Variants in FAM120A observed in about 807,000 individuals in gnomAD.
The protein encoded by FAM120A is constitutive coactivator of PPAR-gamma-like protein 1.
In FAM120A, 15 loss-of-function variants were observed where a neutral mutation model predicts 109.7. The ratio of observed to expected loss-of-function variants is 0.14; its 90% CI spans 0.09 to 0.21. The LOEUF is 0.21. FAM120A is among the 10% of genes least tolerant of loss of function. The pLI, the probability that FAM120A is intolerant of heterozygous loss-of-function variation, is 1.00. For synonymous variants in FAM120A, 493 were observed against 572.8 expected (o/e 0.86, Z 1.99); for missense variants, 899 against 1,439.3 (o/e 0.62, Z 6.07).
chr9:93,516,901 A>G (rs1326942500), intron 7 of FAM120A, among the ~76,000 whole-genome samples: 1 of 152,158 alleles, frequency 6.6e-6, no homozygotes, highest in Admixed American at 6.5e-5. Context: ...AAATTGTCTT[A>G]TGTTTAAAAC....
chr9:93,498,699 A>G lies in FAM120A; in HGVS notation c.934-91A>G. 4 of 803,056 alleles carry G rather than the reference A, an allele frequency of 5.0e-6. No homozygotes were observed. The South Asian group carries it at 5.7e-5, about 11-fold the overall frequency. The allele number at this position is 803,056 out of a possible 1,614,324, so 49.7% of individuals were successfully genotyped here. On this transcript the variant is annotated intron_variant, in intron 4 of 17. Coordinates refer to ENST00000277165, the MANE Select transcript of FAM120A (RefSeq NM_014612.5). The surrounding 1 kb of genome is among the most constrained non-coding windows in gnomAD (Gnocchi z 4.4). Reference sequence around the variant, plus strand: ...CTTCTCTAACTTGAAAAGCTGTAGAATATTATACATGTGCTGAATTATAAA... The same window carrying G: ...CTTCTCTAACTTGAAAAGCTGTAGAGTATTATACATGTGCTGAATTATAAA...
At chr9:93,510,711 C>G (rs1389181642) in intron 5 of FAM120A, among the ~76,000 whole-genome samples, 1 of 80,966 alleles carries the variant, frequency 1.2e-5, no homozygotes, top group Non-Finnish European at 3.5e-5. Context: ...TGCCTCAGCC[C>G]CCAGTGTCGG....
intron 1 of FAM120A, among the ~76,000 whole-genome samples, chr9:93,469,526 A>C (rs1055879277): frequency 6.6e-6 from 1 of 152,232 alleles, no homozygotes; most frequent in Non-Finnish European, 1.5e-5. Flanking sequence ...CTGTAAATGT[A>C]AAGTTGTACA....
At chr9:93,463,737 G>A (rs1421438729) in intron 1 of FAM120A, among the ~76,000 whole-genome samples, 2 of 152,220 alleles carry the variant, frequency 1.3e-5, no homozygotes, top group African/African-American at 2.4e-5. Flanking sequence ...GCTGGAGGAT[G>A]TGTCACATTG....
At chr9:93,469,031 C>T (rs1361938130) in intron 1 of FAM120A, among the ~76,000 whole-genome samples, 1 of 152,252 alleles carries the variant, frequency 6.6e-6, no homozygotes, top group Admixed American at 6.5e-5. Context: ...GGCTCATTTC[C>T]TGACCTTTCT....
chr9:93,480,268 G>GGGTCA (rs1449176804), intron 3 of FAM120A, among the ~76,000 whole-genome samples: 2 of 152,166 alleles, frequency 1.3e-5, no homozygotes, highest in Non-Finnish European at 2.9e-5. Flanking sequence ...ATGGGGTTAG[G>GGGTCA]GGTCAGATAG....
At chr9:93,543,519 G>A (rs1256707625) in intron 11 of FAM120A, 48 bp downstream of exon 11, 2 of 1,597,260 alleles carry the variant, frequency 1.3e-6, no homozygotes, top group East Asian at 2.2e-5. Context: ...GCCAGGTGTA[G>A]GGGCCATGAC....
intron 3 of FAM120A, among the ~76,000 whole-genome samples, chr9:93,488,403 G>A (rs1859163556): frequency 6.6e-6 from 1 of 151,924 alleles, no homozygotes; most frequent in African/African-American, 2.4e-5. Flanking sequence ...CCTCCTGCTT[G>A]GCTTTCCACA....
Position 93,451,838 on chromosome 9 carries a change from C to T in FAM120A, c.-78C>T, listed in dbSNP as rs1356101983. On this transcript the variant is annotated 5_prime_UTR_variant, in exon 1 of 18. Coordinates refer to ENST00000277165, the MANE Select transcript of FAM120A (RefSeq NM_014612.5). Reference sequence around the variant, plus strand: ...AGGCCGCCGCCCCCGCCCGCCAGCCCGCCCGCGCGCCACGGCCCCACCACC... The same window carrying T: ...AGGCCGCCGCCCCCGCCCGCCAGCCTGCCCGCGCGCCACGGCCCCACCACC... 1 of 966,664 alleles carries T rather than the reference C, an allele frequency of 1.0e-6. No homozygotes were observed. Among genetic ancestry groups the T allele is most frequent in the African/African-American group, 1.8e-5 (1 of 55,820 alleles). 59.9% of individuals were successfully genotyped at this position (966,664 alleles called of 1,614,324 possible).
chr9:93,482,184 A>ATT (rs386415495), intron 3 of FAM120A, among the ~76,000 whole-genome samples: 8 of 118,344 alleles, frequency 6.8e-5, no homozygotes, highest in Admixed American at 9.3e-5. Context: ...ATTCACCTCC[A>ATT]TTTTTTTTTT....
chr9:93,501,926 A>T (rs1859820105), intron 5 of FAM120A, among the ~76,000 whole-genome samples: 1 of 152,228 alleles, frequency 6.6e-6, no homozygotes, highest in African/African-American at 2.4e-5. Context: ...CAGTGAAACT[A>T]ACAGGGCGAA....
At chr9:93,522,701 G>A (rs1438551866) in intron 7 of FAM120A, among the ~76,000 whole-genome samples, 1 of 152,162 alleles carries the variant, frequency 6.6e-6, no homozygotes, top group Non-Finnish European at 1.5e-5. Flanking sequence ...GAGAACTTAT[G>A]TATGTATCTT....
At position 93,532,109 on chromosome 9, in the gene FAM120A, C is replaced by G. The variant is rs747130640; in HGVS notation, c.1735-46C>G. The G allele has an allele frequency of 6.4e-7, 1 of 1,560,854 alleles. No individual in the cohort carries two copies. Among genetic ancestry groups the G allele is most frequent in the African/African-American group, 1.4e-5 (1 of 73,604 alleles). On this transcript the variant is annotated intron_variant, in intron 9 of 17. Coordinates refer to ENST00000277165, the MANE Select transcript of FAM120A (RefSeq NM_014612.5). The surrounding 1 kb of genome is among the most constrained non-coding windows in gnomAD (Gnocchi z 4.3). The stretch of plus-strand genomic sequence containing the variant: ...TATTTCTGTGAGTGTATTGTAAATT[C>G]AACATGAAAAATGTGCAATGTTATT...
chr9:93,531,896 A>G lies in FAM120A; in HGVS notation c.1735-259A>G, dbSNP rs189008493. Reference sequence around the variant, plus strand: ...GTTTCAAAGACTTTGGAACATCTACATGGTTTTCTTTTGTTCTTGGTTTTG... The same window carrying G: ...GTTTCAAAGACTTTGGAACATCTACGTGGTTTTCTTTTGTTCTTGGTTTTG... On this transcript the variant is annotated intron_variant, in intron 9 of 17. Coordinates refer to ENST00000277165, the MANE Select transcript of FAM120A (RefSeq NM_014612.5). 2.3e-4 allele frequency among the ~76,000 whole-genome samples: 35 copies of G among 152,306 alleles called. 2 individuals carry two copies. In the East Asian group the frequency reaches 5.4e-3, roughly 23 times the overall value.
At position 93,451,685 on chromosome 9, in the gene FAM120A, C is replaced by G. The variant is rs1473030408; in HGVS notation, c.-231C>G. 20 of 984,344 alleles carry G rather than the reference C, an allele frequency of 2.0e-5. No homozygotes were observed. The highest frequency in any genetic ancestry group is 1.9e-4 in the African/African-American group (11 of 56,584). The allele number at this position is 984,344 out of a possible 1,614,324, so 61.0% of individuals were successfully genotyped here. Reference sequence around the variant, plus strand: ...CCCGGCCCTCAGCCTCGGCCTCGGCCTCGGCCTCGCAGCGGCGGCAGCGGC... The same window carrying G: ...CCCGGCCCTCAGCCTCGGCCTCGGCGTCGGCCTCGCAGCGGCGGCAGCGGC... On this transcript the variant is annotated 5_prime_UTR_variant, in exon 1 of 18. Transcript: ENST00000277165.
At chr9:93,465,069 C>A (rs1396777052) in intron 1 of FAM120A, among the ~76,000 whole-genome samples, 1 of 152,166 alleles carries the variant, frequency 6.6e-6, no homozygotes, top group African/African-American at 2.4e-5. Context: ...CAGGAAGGAG[C>A]TTCAGAAGAC....
At chr9:93,511,323 G>A (rs1341808206) in intron 5 of FAM120A, among the ~76,000 whole-genome samples, 2 of 152,144 alleles carry the variant, frequency 1.3e-5, no homozygotes, top group Non-Finnish European at 2.9e-5. Flanking sequence ...GGCCAACACC[G>A]CAGGCTTTGG....
chr9:93,452,898 T>G lies in FAM120A; in HGVS notation c.474+509T>G, dbSNP rs41274394. The G allele has an allele frequency of 6.2e-6, 9 of 1,440,382 alleles. No homozygotes were observed. The East Asian group carries it at 2.3e-4, about 36-fold the overall frequency. The allele number at this position is 1,440,382 out of a possible 1,614,324, so 89.2% of individuals were successfully genotyped here. A position where few individuals can be genotyped will look rare whatever the true frequency, so the allele number is the denominator to read the frequency against. ...GTGCTGCTGCCGCCGCCCTTGCCAA[T>G]GTTGTTAGCCCGGTGACAGCGAGAC... On this transcript the variant is annotated intron_variant, in intron 1 of 17. Transcript: ENST00000277165. This position sits in a 1 kb window ranked among gnomAD's most constrained non-coding sequence, Gnocchi z 7.0.
chr9:93,542,198 C>G (rs1379359675), intron 10 of FAM120A, among the ~76,000 whole-genome samples: 1 of 152,122 alleles, frequency 6.6e-6, no homozygotes, highest in African/African-American at 2.4e-5. Context: ...AGTGTGTCAG[C>G]CAGGGACGGT....
Sources: allele counts gnomAD v4.1 joint callset (sites outside exome capture counted in the v4.1 genomes callset), GRCh38; gene constraint gnomAD v4.1.1; non-coding constraint Gnocchi (gnomAD v3.1); transcripts MANE v1.5; gene names NCBI Gene and HGNC (gene_info 2026-07-23, HGNC 2026-07-21).